The following PLEKHG4B variants were observed in gnomAD, a reference collection of about 807,000 sequenced individuals.
PLEKHG4B encodes the protein pleckstrin homology and RhoGEF domain containing G4B.
In PLEKHG4B, 111 loss-of-function variants were observed where a neutral mutation model predicts 121.3. That is an observed-to-expected ratio of 0.92 (90% confidence interval 0.78 to 1.07). The LOEUF is 1.07. Ranked by LOEUF, PLEKHG4B falls within the 50% of genes least tolerant of loss-of-function variation. The probability of loss-of-function intolerance (pLI) is 0.00; values close to 1 mark genes in which losing one functional copy is unlikely to be tolerated. For missense variants in PLEKHG4B, 1,831 were observed against 1,757.8 expected (o/e 1.04, Z -0.74); for synonymous variants, 738 against 725.0 (o/e 1.02, Z -0.29).
At position 163,163 on chromosome 5, in the gene PLEKHG4B, T is replaced by C. The variant is rs201880786; in HGVS notation, c.3091T>C (p.Cys1031Arg). Residue 1031 changes from cysteine to arginine, a missense_variant, in exon 13 of 20, where the codon TGT becomes CGT. Transcript: ENST00000637938. The part of the protein sequence containing the change: ...QDGETLRPGL[C>R]ALWDPLSLLR... Reference sequence around the variant, plus strand: ...CGGGGAGACCCTGCGCCCAGGGCTGTGTGCTCTGTGGGACCCACTGTCCCT... The same window carrying C: ...CGGGGAGACCCTGCGCCCAGGGCTGCGTGCTCTGTGGGACCCACTGTCCCT... 43 of 1,565,142 alleles carry C rather than the reference T, an allele frequency of 2.7e-5. 1 individual carries two copies. The East Asian group carries it at 3.9e-4, about 14-fold the overall frequency.
chr5:153,373 G>C (rs1398300478), intron 7 of PLEKHG4B, among the ~76,000 whole-genome samples: 1 of 152,146 alleles, frequency 6.6e-6, no homozygotes, highest in Admixed American at 6.5e-5. Context: ...ATTCTGCTGG[G>C]GAGACTGGAT....
rs772736152 is a variant in PLEKHG4B at position 162,929 on chromosome 5, C to T, written c.2857C>T (p.Arg953Cys). ...GCTGCAGTACCCCCAGACCCGGCTCCGTCTGGAAGAGGCCCTTTCTGAGGC... is the reference window on the plus strand; with the variant it reads ...GCTGCAGTACCCCCAGACCCGGCTCTGTCTGGAAGAGGCCCTTTCTGAGGC... ...LWLQYPQTRL[R>C]LEEALSEAAP... The change falls in exon 13 of 20, where the codon CGT becomes TGT. Residue 953 changes from arginine to cysteine, a missense_variant. Transcript: ENST00000637938. The T allele has an allele frequency of 1.4e-5, 22 of 1,546,460 alleles. No homozygotes were observed. The highest frequency in any genetic ancestry group is 3.4e-4 in the Middle Eastern group (2 of 5,840).
chr5:162,628 C>T, intron 12 of PLEKHG4B, 94 bp from the exon 13 acceptor site: 1 of 966,716 alleles, frequency 1.0e-6, no homozygotes, highest in Non-Finnish European at 1.4e-6. Context: ...CCCCTGGTCC[C>T]TGAATAGGCT....
chr5:93,633 T>A (rs577574373), intron 1 of PLEKHG4B, among the ~76,000 whole-genome samples: 1 of 152,292 alleles, frequency 6.6e-6, no homozygotes, highest in East Asian at 1.9e-4. Context: ...GGGTGTCAGG[T>A]CCCCTGTGTT....
rs1439865628 is a variant in PLEKHG4B at position 122,554 on chromosome 5, G to T, written c.243+9106G>T. On this transcript the variant is annotated intron_variant, in intron 2 of 19. Transcript: ENST00000637938. ...CCTGCCTCAGCCTCCCGAATAGCTG[G>T]GATTACAGGCATCCACCACCACGCC... Among the ~76,000 whole-genome samples, 18 of 152,120 alleles carry T rather than the reference G, an allele frequency of 1.2e-4. No individual in the cohort carries two copies. The East Asian group carries it at 2.9e-3, about 24-fold the overall frequency.
intron 18 of PLEKHG4B, among the ~76,000 whole-genome samples, chr5:176,928 G>GT (rs1736776435): frequency 6.6e-6 from 1 of 152,212 alleles, no homozygotes; most frequent in South Asian, 2.1e-4. Context: ...GTACAGCTGG[G>GT]TCACCTGGAA....
chr5:172,648 G>A (rs1736600518), intron 16 of PLEKHG4B, among the ~76,000 whole-genome samples: 1 of 152,246 alleles, frequency 6.6e-6, no homozygotes, highest in South Asian at 2.1e-4. Context: ...GGGCCCAGAG[G>A]GTCAAACGGG....
At chr5:145,507 C>T (rs1182620041) in intron 6 of PLEKHG4B, among the ~76,000 whole-genome samples, 2 of 152,224 alleles carry the variant, frequency 1.3e-5, no homozygotes, top group Non-Finnish European at 2.9e-5. Flanking sequence ...ACTACAGGCG[C>T]ATGCCACCAT....
rs148276512 is a variant in PLEKHG4B at position 107,893 on chromosome 5, A to T, written c.46-5358A>T. Among the ~76,000 whole-genome samples the T allele has an allele frequency of 6.4e-4, 97 of 152,252 alleles. 1 individual carries two copies. The East Asian group carries it at 0.015, about 24-fold the overall frequency. ...GCACCAGCTTGGGTCCAGGTGTGCC[A>T]GGTTTGTATACCTGGGCTTCAGGGA... is the stretch of plus-strand genomic sequence containing the variant. On this transcript the variant is annotated intron_variant, in intron 1 of 19. Coordinates refer to ENST00000637938, the MANE Select transcript of PLEKHG4B (RefSeq NM_052909.5).
chr5:135,887 G>A (rs1197420192), intron 2 of PLEKHG4B, among the ~76,000 whole-genome samples: 1 of 151,070 alleles, frequency 6.6e-6, no homozygotes, highest in Admixed American at 6.6e-5. Context: ...GAGCTAAAAA[G>A]TTGGAGGACT....
chr5:188,873 T>C lies in PLEKHG4B; in HGVS notation c.*6550T>C, dbSNP rs1413495268. 1 of 152,268 alleles carries C rather than the reference T, an allele frequency of 6.6e-6. No individual in the cohort carries two copies. Among genetic ancestry groups the C allele is most frequent in the Admixed American group, 6.5e-5 (1 of 15,292 alleles). 9.4% of individuals were successfully genotyped at this position (152,268 alleles called of 1,614,324 possible). A position where few individuals can be genotyped will look rare whatever the true frequency, so the allele number is the denominator to read the frequency against. On this transcript the variant is annotated 3_prime_UTR_variant, in exon 20 of 20. Coordinates refer to ENST00000637938, the MANE Select transcript of PLEKHG4B (RefSeq NM_052909.5). ...CGTGTGTATCAGGTGTCAGAGGCCTTGCTGGGTGCCAGGCCACGTCTGTGC... is the reference window on the plus strand; with the variant it reads ...CGTGTGTATCAGGTGTCAGAGGCCTCGCTGGGTGCCAGGCCACGTCTGTGC...
At chr5:97,656 C>A (rs75072481) in intron 1 of PLEKHG4B, among the ~76,000 whole-genome samples, 4 of 149,522 alleles carry the variant, frequency 2.7e-5, no homozygotes, top group African/African-American at 1.0e-4. Context: ...TATAACTCTC[C>A]GCTGTGTGGA....
At chr5:104,293 C>T (rs1249634860) in intron 1 of PLEKHG4B, among the ~76,000 whole-genome samples, 1 of 152,026 alleles carries the variant, frequency 6.6e-6, no homozygotes, top group African/African-American at 2.4e-5. Flanking sequence ...GATTCCTAGA[C>T]AACCTCAGCC....
At chr5:125,785 G>A (rs1260130477) in intron 2 of PLEKHG4B, among the ~76,000 whole-genome samples, 3 of 152,140 alleles carry the variant, frequency 2.0e-5, no homozygotes, top group African/African-American at 4.8e-5. Context: ...TGCAGGGTGG[G>A]TCTAGTGGTA....
chr5:127,086 G>C (rs910592014), intron 2 of PLEKHG4B, among the ~76,000 whole-genome samples: 1 of 152,170 alleles, frequency 6.6e-6, no homozygotes, highest in African/African-American at 2.4e-5. Flanking sequence ...GGAAGACGGA[G>C]CTGCCATTTT....
chr5:134,582 G>A (rs1037046744), intron 2 of PLEKHG4B, among the ~76,000 whole-genome samples: 2 of 151,772 alleles, frequency 1.3e-5, no homozygotes, highest in East Asian at 2.0e-4. Context: ...CCTAGCCGAT[G>A]TAGTGAAACC....
chr5:114,404 T>G (rs1333057745), intron 2 of PLEKHG4B, among the ~76,000 whole-genome samples: 1 of 152,200 alleles, frequency 6.6e-6, no homozygotes, highest in African/African-American at 2.4e-5. Context: ...AATCCTTTGT[T>G]GTCATTTCAA....
In PLEKHG4B at chr5:171,388, T is replaced by C. The variant is rs1180145354; in HGVS notation, c.3994T>C (p.Phe1332Leu). 1 of 1,609,922 alleles carries C rather than the reference T, an allele frequency of 6.2e-7. No individual in the cohort carries two copies. ...CCGAGCCGCCGAGGTCGTGGTCTGC[T>C]TCCAGCTGCGTCACGGCAATGACCT... ...ELRAAEVVVC[F>L]QLRHGNDLLA... Residue 1332 changes from phenylalanine (F) to leucine (L), a missense_variant, in exon 16 of 20, where the codon TTC becomes CTC. Physicochemically the swap from Phe to Leu is conservative, Grantham distance 22. Transcript: ENST00000637938.
intron 2 of PLEKHG4B, among the ~76,000 whole-genome samples, chr5:123,245 A>G (rs567362356): frequency 2.0e-5 from 3 of 152,346 alleles, no homozygotes; most frequent in Admixed American, 2.0e-4. Context: ...CCAAAGCTCA[A>G]TAACATAAAA....
Sources: allele counts gnomAD v4.1 joint callset (sites outside exome capture counted in the v4.1 genomes callset), GRCh38; gene constraint gnomAD v4.1.1; transcripts MANE v1.5; gene names NCBI Gene and HGNC (gene_info 2026-07-23, HGNC 2026-07-21).